The following TAL1 variants were observed in gnomAD, a reference collection of about 807,000 sequenced individuals.
TAL1 encodes the protein T-cell acute lymphocytic leukemia protein 1.
In TAL1, 8 loss-of-function variants were observed where a neutral mutation model predicts 17.9. The ratio of observed to expected loss-of-function variants is 0.45; its 90% confidence interval spans 0.26 to 0.81. TAL1 has a LOEUF of 0.81. Among genes scored for constraint, TAL1 ranks in the 30% least tolerant of loss-of-function variants. The pLI, the probability that TAL1 is intolerant of heterozygous loss-of-function variation, is 0.17. For missense variants in TAL1, 466 were observed against 486.9 expected (o/e 0.96, Z 0.40); for synonymous variants, 223 against 218.6 (o/e 1.02, Z -0.18).
intron 1 of TAL1, chr1:47,226,091 G>A: frequency 1.9e-6 from 1 of 514,202 alleles, no homozygotes; most frequent in South Asian, 2.9e-5. Flanking sequence ...AGGGTCTCTG[G>A]ATTGGGAGAA....
In TAL1 at chr1:47,217,405, A is replaced by G. The variant is rs113069024; in HGVS notation, c.*2315T>C. 1.1e-3 allele frequency: 429 copies of G among 397,086 alleles called. 3 individuals carry two copies. The highest frequency in any genetic ancestry group is 7.8e-3 in the African/African-American group (380 of 48,534). 24.6% of individuals were successfully genotyped at this position (397,086 alleles called of 1,614,324 possible). ...CCGTCTCTCACACACACACACACACACACACAAATAGATAATCTGGAGAAA... is the reference window on the plus strand; with the variant it reads ...CCGTCTCTCACACACACACACACACGCACACAAATAGATAATCTGGAGAAA... On this transcript the variant is annotated 3_prime_UTR_variant, in exon 4 of 4. Transcript: ENST00000294339.
exon 1 of TAL1, chr1:47,229,212 G>C: frequency 5.2e-6 from 1 of 193,944 alleles, no homozygotes; most frequent in Non-Finnish European, 1.1e-5. Context: ...CATATTTAGA[G>C]AGACCGGCCC....
intron 1 of TAL1, 31 bp from the exon 3 acceptor site, chr1:47,225,920 C>T (rs1206808247): frequency 1.3e-6 from 2 of 1,565,914 alleles, no homozygotes. Flanking sequence ...AAGCGGATGC[C>T]CGCTCTGACG....
chr1:47,224,689 C>T (rs150592602), intron 2 of TAL1, among the ~76,000 whole-genome samples: 378 of 152,318 alleles, frequency 2.5e-3, no homozygotes, highest in Non-Finnish European at 4.1e-3. Context: ...CCCTCACCCA[C>T]CCTAAGCTCC....
exon 2 of TAL1, chr1:47,225,845 T>C: frequency 4.4e-6 from 7 of 1,585,626 alleles, no homozygotes; most frequent in Non-Finnish European, 6.0e-6. Context: ...TCCCTCTAGC[T>C]GGGGGTCACT....
chr1:47,225,895 G>A lies in TAL1; in HGVS notation c.-1-6C>T, dbSNP rs1405801565. 2 of 1,543,342 alleles carry A rather than the reference G, an allele frequency of 1.3e-6. No homozygotes were observed. Among genetic ancestry groups the A allele is most frequent in the Non-Finnish European group, 1.7e-6 (2 of 1,148,106 alleles). ...TCGGCGGCCGCTCGGTCATCCTGTG[G>A]GCAGACAGACAGACAAGCGGATGCC... On this transcript the variant is annotated splice_polypyrimidine_tract_variant and splice_region_variant and intron_variant, in intron 1 of 3. Transcript: ENST00000294339.
In TAL1 at chr1:47,223,558, G is replaced by A. The variant is rs141271180; in HGVS notation, c.541+446C>T. 2.4e-3 allele frequency: 369 copies of A among 156,654 alleles called. 2 individuals are homozygous for A. Among genetic ancestry groups the A allele is most frequent in the Non-Finnish European group, 4.2e-3 (295 of 70,730 alleles). 9.7% of individuals were successfully genotyped at this position (156,654 alleles called of 1,614,324 possible). On this transcript the variant is annotated intron_variant, in intron 3 of 3. Transcript: ENST00000294339. ...TTGATGACTCCATTGCAGGGAGGAA[G>A]CAGACTCCAGACTCTAAGGAAGACT...
exon 4 of TAL1, chr1:47,219,092 G>A: frequency 3.0e-6 from 1 of 335,716 alleles, no homozygotes; most frequent in Non-Finnish European, 5.6e-6. Flanking sequence ...AAGGGCGACT[G>A]GGTTTCCTGA....
upstream of TAL1, chr1:47,232,235 C>T (rs1302239842): frequency 5.7e-6 from 1 of 175,514 alleles, no homozygotes. Flanking sequence ...CGGCCCGGCC[C>T]CTCCCGCGGC....
At chr1:47,225,867 C>T in exon 2 of TAL1, 1 of 1,581,030 alleles carries the variant, frequency 6.3e-7, no homozygotes, top group South Asian at 1.1e-5. Flanking sequence ...CGAGCCGCCT[C>T]GCTCGGCGGC....
chr1:47,220,744 C>T (rs1165647949), intron 3 of TAL1, among the ~76,000 whole-genome samples: 1 of 152,198 alleles, frequency 6.6e-6, no homozygotes, highest in Non-Finnish European at 1.5e-5. Context: ...TAAATGTTAG[C>T]TATTATTATC....
At chr1:47,219,810 G>C (rs979899243) in exon 4 of TAL1, 1 of 1,609,034 alleles carries the variant, frequency 6.2e-7, no homozygotes. Flanking sequence ...CCGTGTAGCT[G>C]TCCGGGCTGG....
upstream of TAL1, chr1:47,230,813 G>C (rs1643998444): frequency 6.6e-6 from 1 of 152,084 alleles, no homozygotes. Flanking sequence ...CTTTCAACCC[G>C]AGCTAGGGCC....
At chr1:47,225,142 A>G (rs1025206618) in intron 2 of TAL1, among the ~76,000 whole-genome samples, 1 of 152,072 alleles carries the variant, frequency 6.6e-6, no homozygotes, top group East Asian at 1.9e-4. Flanking sequence ...CACCAAGCAC[A>G]CCAGCCACAT....
At chr1:47,230,584 T>A (rs745318251), upstream of TAL1, 7 of 152,184 alleles carry the variant, frequency 4.6e-5, no homozygotes, top group African/African-American at 9.7e-5. Context: ...CAAGTCTCTG[T>A]GTCCGTGCCT....
At chr1:47,222,010 G>C (rs920717213) in intron 3 of TAL1, among the ~76,000 whole-genome samples, 1 of 152,216 alleles carries the variant, frequency 6.6e-6, no homozygotes, top group South Asian at 2.1e-4. Flanking sequence ...GCCAGACCCA[G>C]CCTGGGAAAA....
At chr1:47,219,942 C>T in exon 4 of TAL1, 1 of 1,523,834 alleles carries the variant, frequency 6.6e-7, no homozygotes, top group Admixed American at 1.9e-5. Flanking sequence ...CCACAGGGTC[C>T]TTGCCAGTCT....
chr1:47,219,614 A>G (rs1569885953), exon 4 of TAL1: 2 of 1,522,502 alleles, frequency 1.3e-6, no homozygotes, highest in African/African-American at 1.4e-5. Context: ...GTTCAAGTCC[A>G]CCGCCTTGCT....
At chr1:47,221,143 A>T (rs1338490476) in intron 3 of TAL1, among the ~76,000 whole-genome samples, 3 of 152,184 alleles carry the variant, frequency 2.0e-5, no homozygotes, top group Admixed American at 1.3e-4. Context: ...CCTAAGGGTG[A>T]TGGAAAGCAC....
Sources: allele counts gnomAD v4.1 joint callset (sites outside exome capture counted in the v4.1 genomes callset), GRCh38; gene constraint gnomAD v4.1.1; transcripts MANE v1.5; gene names NCBI Gene and HGNC (gene_info 2026-07-23, HGNC 2026-07-21).